Variants in CCSER1 observed in about 807,000 individuals in gnomAD.
CCSER1 encodes the protein serine-rich coiled-coil domain-containing protein 1.
Under a neutral mutation model 82.0 loss-of-function variants are expected in CCSER1, and 41 were observed. The ratio of observed to expected loss-of-function variants is 0.50; its 90% CI spans 0.39 to 0.65. The LOEUF (loss-of-function observed/expected upper bound fraction) is 0.65. Among genes scored for constraint, CCSER1 ranks in the 30% least tolerant of loss-of-function variants. The pLI is 0.00. For synonymous variants in CCSER1, 414 were observed against 383.9 expected (o/e 1.08, Z -0.92); for missense variants, 1,119 against 1,064.2 (o/e 1.05, Z -0.72).
chr4:90,246,686 AC>A (rs1182047599), intron 1 of CCSER1, among the ~76,000 whole-genome samples: 3 of 152,124 alleles, frequency 2.0e-5, no homozygotes, highest in Non-Finnish European at 4.4e-5. Flanking sequence ...CTAATTCCCA[AC>A]ATATGTACCT....
intron 6 of CCSER1, among the ~76,000 whole-genome samples, chr4:90,692,257 CTT>C (rs932223158): frequency 1.1e-4 from 17 of 151,598 alleles, no homozygotes; most frequent in African/African-American, 3.9e-4. Flanking sequence ...TGTTATGTGA[CTT>C]AATTTATAAT....
intron 10 of CCSER1, among the ~76,000 whole-genome samples, chr4:91,285,276 C>A (rs1321628086): frequency 7.1e-6 from 1 of 141,108 alleles, no homozygotes; most frequent in Non-Finnish European, 1.5e-5. Context: ...AGATGTGTCT[C>A]TTTTTAAAGA....
chr4:90,994,496 A>G (rs1737319482), intron 9 of CCSER1, among the ~76,000 whole-genome samples: 1 of 92,722 alleles, frequency 1.1e-5, no homozygotes, highest in Non-Finnish European at 2.2e-5. Flanking sequence ...TGGTAAAGTA[A>G]AAAAAAAAAT....
chr4:90,216,038 A>T (rs937245101), intron 1 of CCSER1, among the ~76,000 whole-genome samples: 1 of 152,046 alleles, frequency 6.6e-6, no homozygotes, highest in Admixed American at 6.6e-5. Flanking sequence ...AAAATTTGTC[A>T]CTCTTTATCC....
intron 1 of CCSER1, among the ~76,000 whole-genome samples, chr4:90,150,514 C>A (rs1344684689): frequency 6.6e-6 from 1 of 152,040 alleles, no homozygotes; most frequent in African/African-American, 2.4e-5. Context: ...GAAAACGCAC[C>A]TTTTGTTTTT....
At chr4:90,240,617 A>T (rs1477581372) in intron 1 of CCSER1, among the ~76,000 whole-genome samples, 1 of 152,192 alleles carries the variant, frequency 6.6e-6, no homozygotes, top group Non-Finnish European at 1.5e-5. Flanking sequence ...ATCATAGGAC[A>T]TATATTTGTG....
chr4:90,725,509 C>T (rs1425357467), intron 7 of CCSER1, among the ~76,000 whole-genome samples: 2 of 151,236 alleles, frequency 1.3e-5, no homozygotes, highest in African/African-American at 4.8e-5. Context: ...TTAATTTACT[C>T]CTTTTGTGAA....
In CCSER1 at chr4:91,275,061, G is replaced by A. The variant is rs370754447; in HGVS notation, c.2217+189067G>A. The stretch of plus-strand genomic sequence containing the variant: ...GCAGAGCTTGCAGTGAGCCGAGATC[G>A]CGCCACTGCACTCCAGCCTGGGTGA... On this transcript the variant is annotated intron_variant, in intron 10 of 10. Coordinates refer to ENST00000509176, the MANE Select transcript of CCSER1 (RefSeq NM_001145065.2). Among the ~76,000 whole-genome samples the A allele has an allele frequency of 5.5e-4, 83 of 151,840 alleles. 1 individual carries two copies. The highest frequency in any genetic ancestry group is 2.3e-3 in the East Asian group (12 of 5,126).
At chr4:91,242,144 T>TG (rs1247362163) in intron 10 of CCSER1, among the ~76,000 whole-genome samples, 7 of 151,666 alleles carry the variant, frequency 4.6e-5, no homozygotes, top group African/African-American at 1.7e-4. Context: ...ACCAGATATT[T>TG]GGAAAAAAAA....
chr4:91,041,494 C>G (rs1741951985), intron 9 of CCSER1, among the ~76,000 whole-genome samples: 1 of 152,138 alleles, frequency 6.6e-6, no homozygotes, highest in Non-Finnish European at 1.5e-5. Context: ...TTTGTTTTAA[C>G]TATGGAAAAG....
At chr4:90,270,441 A>G (rs985816327) in intron 1 of CCSER1, among the ~76,000 whole-genome samples, 1 of 152,082 alleles carries the variant, frequency 6.6e-6, no homozygotes, top group Non-Finnish European at 1.5e-5. Flanking sequence ...CTGAAAAATC[A>G]TTTGATAAAA....
At chr4:90,313,769 A>G (rs918306354) in intron 3 of CCSER1, among the ~76,000 whole-genome samples, 1 of 152,160 alleles carries the variant, frequency 6.6e-6, no homozygotes, top group Non-Finnish European at 1.5e-5. Context: ...CCTTGGGTCC[A>G]TGTGGCCTCA....
chr4:90,780,236 C>A (rs1753563396), intron 7 of CCSER1, among the ~76,000 whole-genome samples: 1 of 152,128 alleles, frequency 6.6e-6, no homozygotes, highest in Non-Finnish European at 1.5e-5. Context: ...CAAGTTTGGT[C>A]TTTAACTTGT....
chr4:91,027,736 T>G (rs1259296230), intron 9 of CCSER1, among the ~76,000 whole-genome samples: 1 of 152,096 alleles, frequency 6.6e-6, no homozygotes, highest in Non-Finnish European at 1.5e-5. Context: ...GTGAGGCATA[T>G]TGCCTTTGGA....
At chr4:91,567,865 C>G (rs1762970641) in intron 10 of CCSER1, among the ~76,000 whole-genome samples, 1 of 152,058 alleles carries the variant, frequency 6.6e-6, no homozygotes, top group African/African-American at 2.4e-5. Flanking sequence ...CATTTACACT[C>G]AAGGTTAGTA....
intron 8 of CCSER1, among the ~76,000 whole-genome samples, chr4:90,836,584 A>G (rs181739203): frequency 1.8e-4 from 27 of 152,344 alleles, no homozygotes; most frequent in Middle Eastern, 6.8e-3. Flanking sequence ...AGCTTCACCT[A>G]TACCCATCCC....
At chr4:91,596,760 A>G (rs1419926379) in intron 10 of CCSER1, among the ~76,000 whole-genome samples, 1 of 152,120 alleles carries the variant, frequency 6.6e-6, no homozygotes, top group East Asian at 1.9e-4. Context: ...GTCTACTCCA[A>G]ATCTAAGGAA....
chr4:90,632,551 A>G (rs1045251628), intron 6 of CCSER1, among the ~76,000 whole-genome samples: 1 of 152,150 alleles, frequency 6.6e-6, no homozygotes, highest in African/African-American at 2.4e-5. Flanking sequence ...TTGTGTTTGT[A>G]TCTGAATCAT....
chr4:91,387,739 A>G (rs1337951630), intron 10 of CCSER1, among the ~76,000 whole-genome samples: 1 of 116,084 alleles, frequency 8.6e-6, no homozygotes, highest in African/African-American at 2.9e-5. Flanking sequence ...TAAAAAAATG[A>G]TAAGACAGAT....
Sources: gnomAD v4.1 joint callset for allele counts (sites outside exome capture counted in the v4.1 genomes callset) on GRCh38, gnomAD v4.1.1 for gene constraint, MANE v1.5 for transcripts, NCBI Gene and HGNC (gene_info 2026-07-23, HGNC 2026-07-21) for gene names.